MTA3: variants seen among roughly 807,000 people sequenced by gnomAD.
The protein encoded by MTA3 is metastasis-associated protein MTA3.
MTA3 carries 34 observed loss-of-function variants against 83.5 expected under a neutral mutation model. That is an observed-to-expected ratio of 0.41 (90% CI 0.31 to 0.54). MTA3 has a LOEUF of 0.54. Among genes scored for constraint, MTA3 ranks in the 20% least tolerant of loss-of-function variants. The probability of loss-of-function intolerance (pLI) is 0.33; values close to 1 mark genes in which losing one functional copy is unlikely to be tolerated. For missense variants in MTA3, 761 were observed against 726.4 expected, an observed-to-expected ratio of 1.05 and a Z score of -0.55; for synonymous variants, 303 against 252.7, an observed-to-expected ratio of 1.20 and a Z score of -1.89.
At chr2:42,612,931 A>G (rs1165282923) in intron 4 of MTA3, among the ~76,000 whole-genome samples, 4 of 152,222 alleles carry the variant, frequency 2.6e-5, no homozygotes, top group Non-Finnish European at 5.9e-5. Context: ...TGCCAGAACA[A>G]GAATCTGACA....
intron 4 of MTA3, among the ~76,000 whole-genome samples, chr2:42,628,143 A>G (rs1195025024): frequency 2.6e-5 from 4 of 152,030 alleles, no homozygotes; most frequent in East Asian, 3.9e-4. Context: ...TGGCCTTCCA[A>G]AGTGTTGGGA....
intron 2 of MTA3, among the ~76,000 whole-genome samples, chr2:42,534,362 G>A (rs1362647535): frequency 1.3e-5 from 2 of 152,154 alleles, no homozygotes; most frequent in African/African-American, 4.8e-5. Flanking sequence ...TTGGGAGGCC[G>A]AGGTGGGTGG....
At chr2:42,555,455 CAAAAAAAAAAAA>C (rs146740409) in intron 2 of MTA3, among the ~76,000 whole-genome samples, 1 of 54,350 alleles carries the variant, frequency 1.8e-5, no homozygotes, top group Non-Finnish European at 3.1e-5. Context: ...AACTCCATCT[CAAAAAAAAAAAA>C]AAAAAAAAAA....
At chr2:42,509,491 C>T (rs1005522863) in intron 2 of MTA3, among the ~76,000 whole-genome samples, 5 of 152,162 alleles carry the variant, frequency 3.3e-5, no homozygotes, top group South Asian at 2.1e-4. Context: ...ATTTGTTGGC[C>T]GGGTATGGTG....
At chr2:42,694,563 G>C (rs1487586916) in intron 9 of MTA3, among the ~76,000 whole-genome samples, 2 of 152,112 alleles carry the variant, frequency 1.3e-5, no homozygotes, top group African/African-American at 4.8e-5. Context: ...TCAATGTAAA[G>C]TCCCCTGGTC....
At chr2:42,625,038 T>C (rs1685939454) in intron 4 of MTA3, among the ~76,000 whole-genome samples, 1 of 152,166 alleles carries the variant, frequency 6.6e-6, no homozygotes. Context: ...TTATTTACTT[T>C]TTTATTTTTT....
chr2:42,721,919 G>A (rs1667440747), intron 15 of MTA3, among the ~76,000 whole-genome samples: 1 of 152,132 alleles, frequency 6.6e-6, no homozygotes, highest in African/African-American at 2.4e-5. Flanking sequence ...TTTTTTCGGT[G>A]GTAGTATTTA....
At chr2:42,631,024 T>C (rs1686620301) in intron 4 of MTA3, among the ~76,000 whole-genome samples, 1 of 152,200 alleles carries the variant, frequency 6.6e-6, no homozygotes, top group Non-Finnish European at 1.5e-5. Context: ...TGGCTGTGAA[T>C]GTTAAAAACT....
At chr2:42,688,069 A>G (rs1447635026) in intron 9 of MTA3, among the ~76,000 whole-genome samples, 1 of 152,182 alleles carries the variant, frequency 6.6e-6, no homozygotes, top group African/African-American at 2.4e-5. Context: ...GCCACTTGGG[A>G]AAACAGTTCG....
intron 3 of MTA3, among the ~76,000 whole-genome samples, chr2:42,589,506 A>C (rs1365389362): frequency 6.6e-6 from 1 of 152,088 alleles, no homozygotes; most frequent in Non-Finnish European, 1.5e-5. Context: ...CCTTTTTTCC[A>C]ATTTTAATAA....
intron 3 of MTA3, among the ~76,000 whole-genome samples, chr2:42,604,925 C>A (rs1327149776): frequency 6.7e-6 from 1 of 148,976 alleles, no homozygotes; most frequent in Non-Finnish European, 1.5e-5. Flanking sequence ...AACAGGATCC[C>A]AAGGCAGAGG....
chr2:42,691,823 T>A (rs1400666409), intron 9 of MTA3, among the ~76,000 whole-genome samples: 1 of 152,256 alleles, frequency 6.6e-6, no homozygotes, highest in Non-Finnish European at 1.5e-5. Context: ...CCTTCAGCAC[T>A]TTAAATATGT....
chr2:42,568,911 G>A, intron 1 of MTA3, 138 bp downstream of exon 1: 1 of 874,340 alleles, frequency 1.1e-6, no homozygotes, highest in Non-Finnish European at 1.5e-6. Context: ...GGGGCCCGCA[G>A]AGGGGCCGGG....
At chr2:42,545,313 G>C (rs1464925293) in intron 2 of MTA3, among the ~76,000 whole-genome samples, 1 of 152,166 alleles carries the variant, frequency 6.6e-6, no homozygotes, top group East Asian at 1.9e-4. Context: ...GGGAGGCTGA[G>C]GCTGCAGTGA....
intron 16 of MTA3, among the ~76,000 whole-genome samples, chr2:42,746,540 C>A (rs1330434897): frequency 6.6e-6 from 1 of 152,170 alleles, no homozygotes; most frequent in Non-Finnish European, 1.5e-5. Flanking sequence ...TGAGGGCTCT[C>A]CCAGTCCCAC....
chr2:42,496,233 A>G (rs992520735), intron 2 of MTA3, among the ~76,000 whole-genome samples: 26 of 152,174 alleles, frequency 1.7e-4, no homozygotes, highest in Non-Finnish European at 3.1e-4. Context: ...TCCTAGGTAT[A>G]TTTTCATGCG....
chr2:42,644,221 A>T lies in MTA3; in HGVS notation c.476A>T (p.Asp159Val). Reference protein sequence around the residue: ...EIRVGPRYQADIPEMLLEGES... With the variant: ...EIRVGPRYQAVIPEMLLEGES... Reference sequence around the variant, plus strand: ...AGAGTGGGACCTAGATATCAAGCAGACATTCCAGAAATGCTGTTAGAAGGT... The same window carrying T: ...AGAGTGGGACCTAGATATCAAGCAGTCATTCCAGAAATGCTGTTAGAAGGT... Residue 159 changes from aspartate (D) to valine (V), a missense_variant, in exon 6 of 17, where the codon GAC becomes GTC. Transcript: ENST00000405094. 6.2e-7 allele frequency: 1 copy of T among 1,611,420 alleles called. No homozygotes were observed. Among genetic ancestry groups the T allele is most frequent in the Non-Finnish European group, 8.5e-7 (1 of 1,178,862 alleles).
intron 4 of MTA3, among the ~76,000 whole-genome samples, chr2:42,626,164 C>G (rs1053865793): frequency 8.6e-5 from 13 of 151,220 alleles, no homozygotes; most frequent in Non-Finnish European, 1.9e-4. Context: ...AGGATGGTCT[C>G]GATCTCCTGA....
intron 3 of MTA3, among the ~76,000 whole-genome samples, chr2:42,595,495 T>A (rs1184114058): frequency 6.6e-6 from 1 of 152,154 alleles, no homozygotes; most frequent in Non-Finnish European, 1.5e-5. Flanking sequence ...TAACTTTTGC[T>A]AAATTAATTT....
Sources: allele counts gnomAD v4.1 joint callset (sites outside exome capture counted in the v4.1 genomes callset), GRCh38; gene constraint gnomAD v4.1.1; transcripts MANE v1.5; gene names NCBI Gene and HGNC (gene_info 2026-07-23, HGNC 2026-07-21).